MGLL: variants seen among roughly 807,000 people sequenced by gnomAD.
MGLL encodes the protein lysophospholipase homolog.
Under a neutral mutation model 29.1 loss-of-function variants are expected in MGLL, and 7 were observed. The ratio of observed to expected loss-of-function variants is 0.24; its 90% CI spans 0.14 to 0.45. The LOEUF (loss-of-function observed/expected upper bound fraction) is 0.45. Among genes scored for constraint, MGLL ranks in the 20% least tolerant of loss-of-function variants. The pLI is 0.99. For missense variants in MGLL, 356 were observed against 413.6 expected, an observed-to-expected ratio of 0.86 and a Z score of 1.21; for synonymous variants, 148 against 168.3, an observed-to-expected ratio of 0.88 and a Z score of 0.93.
chr3:127,695,041 G>A lies in MGLL; in HGVS notation c.750C>T (p.Arg250=). Residue 250 remains arginine (R), a synonymous_variant, in exon 7 of 8, where the codon CGC becomes CGT. Coordinates refer to ENST00000265052, the MANE Select transcript of MGLL (RefSeq NM_007283.7). ...PFLLLQGSAD[R]LCDSKGAYLL... ...GGTAGGCCCCTTTGCTGTCACATAG[G>A]CGATCGGCAGAGCCCTGGAGCAGCA... 6.2e-7 allele frequency: 1 copy of A among 1,614,110 alleles called. No homozygotes were observed. The highest frequency in any genetic ancestry group is 8.5e-7 in the Non-Finnish European group (1 of 1,180,024).
Position 127,821,828 on chromosome 3 carries a change from G to T in MGLL, c.21C>A (p.Asp7Glu). ...AACTTTCCTCTGGCATGCTGGAAGG[G>T]TCTTCAGGTCCTAGAAGGAAAAGTG... METGPE[D>E]PSSMPEESSP... Residue 7 changes from aspartate to glutamate, a missense_variant, in exon 2 of 8, where the codon GAC (aspartate) becomes GAA (glutamate). Coordinates refer to ENST00000265052, the MANE Select transcript of MGLL (RefSeq NM_007283.7). 1.9e-6 allele frequency: 3 copies of T among 1,614,010 alleles called. No individual in the cohort carries two copies. The highest frequency in any genetic ancestry group is 2.5e-6 in the Non-Finnish European group (3 of 1,179,918).
At chr3:127,769,555 G>A (rs1037919584) in intron 3 of MGLL, among the ~76,000 whole-genome samples, 1 of 152,212 alleles carries the variant, frequency 6.6e-6, no homozygotes, top group Admixed American at 6.5e-5. Flanking sequence ...CAAGGCCCAG[G>A]GAGGCTGGTG....
chr3:127,717,988 C>A (rs989815304), intron 5 of MGLL, among the ~76,000 whole-genome samples: 6 of 152,198 alleles, frequency 3.9e-5, no homozygotes, highest in African/African-American at 1.4e-4. Context: ...TACCACTTTG[C>A]GAAACCACTT....
At chr3:127,771,945 G>A (rs995944559) in intron 3 of MGLL, among the ~76,000 whole-genome samples, 1 of 152,160 alleles carries the variant, frequency 6.6e-6, no homozygotes, top group African/African-American at 2.4e-5. Context: ...GCCTCCATGA[G>A]GTTCTGTTTC....
intron 2 of MGLL, among the ~76,000 whole-genome samples, chr3:127,819,627 G>T (rs1202782566): frequency 1.3e-5 from 2 of 152,146 alleles, no homozygotes; most frequent in Non-Finnish European, 2.9e-5. Context: ...AGCCTGGGGG[G>T]AAAGATTGAA....
In MGLL at chr3:127,718,569, C is replaced by A. The variant is rs561153907; in HGVS notation, c.510+2484G>T. 2.0e-5 allele frequency among the ~76,000 whole-genome samples: 3 copies of A among 152,278 alleles called. No homozygotes were observed. The South Asian group carries it at 6.2e-4, about 32-fold the overall frequency. On this transcript the variant is annotated intron_variant, in intron 5 of 7. Coordinates refer to ENST00000265052, the MANE Select transcript of MGLL (RefSeq NM_007283.7). Reference sequence around the variant, plus strand: ...GAAGGAGCACCAAAAGGTTGCTAAGCAAAACCACCAAATAAAACCCAAAAC... The same window carrying A: ...GAAGGAGCACCAAAAGGTTGCTAAGAAAAACCACCAAATAAAACCCAAAAC...
intron 4 of MGLL, among the ~76,000 whole-genome samples, chr3:127,722,166 C>A (rs575475853): frequency 6.6e-6 from 1 of 152,308 alleles, no homozygotes; most frequent in Non-Finnish European, 1.5e-5. Context: ...TATGAAATGG[C>A]ACCAAGTGGG....
At chr3:127,769,993 A>G (rs1020614084) in intron 3 of MGLL, among the ~76,000 whole-genome samples, 3 of 152,194 alleles carry the variant, frequency 2.0e-5, no homozygotes, top group Non-Finnish European at 2.9e-5. Context: ...TGCAACAGCA[A>G]TAAGGTGCCT....
At chr3:127,759,944 C>A (rs1393822925) in intron 3 of MGLL, among the ~76,000 whole-genome samples, 1 of 152,212 alleles carries the variant, frequency 6.6e-6, no homozygotes, top group Non-Finnish European at 1.5e-5. Context: ...AGCACTTCTC[C>A]ACGACTCTGA....
intron 2 of MGLL, among the ~76,000 whole-genome samples, chr3:127,791,539 T>G (rs550055400): frequency 6.6e-6 from 1 of 152,250 alleles, no homozygotes; most frequent in Non-Finnish European, 1.5e-5. Context: ...GGAATGCTTA[T>G]TGAGCTAAGT....
chr3:127,805,223 G>A (rs1468219353), intron 2 of MGLL, among the ~76,000 whole-genome samples: 2 of 152,190 alleles, frequency 1.3e-5, no homozygotes, highest in African/African-American at 4.8e-5. Flanking sequence ...GCTGCAGATG[G>A]CTCCAAGTTC....
intron 2 of MGLL, among the ~76,000 whole-genome samples, chr3:127,790,309 T>C (rs917665041): frequency 2.0e-5 from 3 of 152,220 alleles, no homozygotes; most frequent in East Asian, 1.9e-4. Flanking sequence ...TGAGCTAACA[T>C]TGTCGTCTCC....
chr3:127,742,255 C>T (rs572838984), intron 3 of MGLL, among the ~76,000 whole-genome samples: 1 of 152,150 alleles, frequency 6.6e-6, no homozygotes, highest in East Asian at 1.9e-4. Flanking sequence ...GTGGCAAAAC[C>T]CACCTTCTTT....
Position 127,723,615 on chromosome 3 carries a change from G to A in MGLL, c.263-1049C>T, listed in dbSNP as rs114142073. On this transcript the variant is annotated intron_variant, in intron 3 of 7. Transcript: ENST00000265052. ...CGGGAGTCCCACTACCCTCTCAGCA[G>A]CACTCCCCCTTTCCTTGCCCTTCTG... Among the ~76,000 whole-genome samples, 356 of 152,006 alleles carry A rather than the reference G, an allele frequency of 2.3e-3. 1 individual carries two copies. The highest frequency in any genetic ancestry group is 7.9e-3 in the African/African-American group (327 of 41,434).
intron 2 of MGLL, among the ~76,000 whole-genome samples, chr3:127,810,735 G>A (rs527806347): frequency 6.6e-6 from 1 of 152,322 alleles, no homozygotes; most frequent in South Asian, 2.1e-4. Context: ...AAGTGAAAGG[G>A]GCCACGTCTC....
At chr3:127,806,290 T>A (rs2077564125) in intron 2 of MGLL, among the ~76,000 whole-genome samples, 1 of 152,246 alleles carries the variant, frequency 6.6e-6, no homozygotes. Flanking sequence ...GGGGTCTTAA[T>A]GATTTCTCTG....
At chr3:127,715,856 A>G (rs765807929) in intron 5 of MGLL, 3 of 455,702 alleles carry the variant, frequency 6.6e-6, no homozygotes, top group South Asian at 3.1e-5. Context: ...TGCTCACCCA[A>G]AAAGGACGTG....
chr3:127,809,305 G>A (rs945226988), intron 2 of MGLL, among the ~76,000 whole-genome samples: 1 of 152,160 alleles, frequency 6.6e-6, no homozygotes, highest in African/African-American at 2.4e-5. Context: ...ACTGGGAGAG[G>A]AGAATGGGAG....
chr3:127,722,799 G>A (rs1234294191), intron 3 of MGLL, among the ~76,000 whole-genome samples: 1 of 152,206 alleles, frequency 6.6e-6, no homozygotes, highest in Non-Finnish European at 1.5e-5. Flanking sequence ...CCACTAGGAA[G>A]CAACGAGCCA....
Sources: allele counts gnomAD v4.1 joint callset (sites outside exome capture counted in the v4.1 genomes callset), GRCh38; gene constraint gnomAD v4.1.1; transcripts MANE v1.5; gene names NCBI Gene and HGNC (gene_info 2026-07-23, HGNC 2026-07-21).